Variants in MDGA1 observed in about 807,000 individuals in gnomAD.
The protein encoded by MDGA1 is MAM domain-containing glycosylphosphatidylinositol anchor protein 1.
A neutral mutation model predicts 101.5 loss-of-function variants in MDGA1; 54 were observed. The observed-to-expected ratio is 0.53, with a 90% CI of 0.43 to 0.67. MDGA1 has a LOEUF of 0.67. Ranked by LOEUF, MDGA1 falls within the 30% of genes least tolerant of loss-of-function variation. MDGA1 has a pLI of 0.00. For missense variants in MDGA1, 1,083 were observed against 1,323.8 expected (o/e 0.82, Z 2.82); for synonymous variants, 533 against 558.3 (o/e 0.95, Z 0.64).
In MDGA1 at chr6:37,646,208, G is replaced by A. The variant is rs1026427954; in HGVS notation, c.2214C>T (p.His738=). The A allele has an allele frequency of 1.3e-6, 2 of 1,583,586 alleles. No individual in the cohort carries two copies. The highest frequency in any genetic ancestry group is 2.7e-5 in the African/African-American group (2 of 74,396). The change falls in exon 11 of 17, where the codon CAC becomes CAT. Residue 738 remains histidine (H), a synonymous_variant. Coordinates refer to ENST00000434837, the MANE Select transcript of MDGA1 (RefSeq NM_153487.4). The part of the protein sequence containing the change: ...GAGDMASRII[H]YTEPINSPNL... ...ACCACTGTCACCTACGCTCTGTGTA[G>A]TGGATGATGCGGGAGGCCATGTCAC... is the stretch of plus-strand genomic sequence containing the variant.
At chr6:37,673,283 A>G (rs1412733645) in intron 1 of MDGA1, among the ~76,000 whole-genome samples, 2 of 152,324 alleles carry the variant, frequency 1.3e-5, no homozygotes, top group East Asian at 3.9e-4. Flanking sequence ...CAGCATCCTC[A>G]GAAACCGTCC....
chr6:37,693,050 A>G (rs2114115032), intron 1 of MDGA1, among the ~76,000 whole-genome samples: 1 of 152,340 alleles, frequency 6.6e-6, no homozygotes, highest in Middle Eastern at 3.4e-3. Context: ...AACACCAGCA[A>G]AGCAAACAAA....
chr6:37,648,929 A>G, intron 9 of MDGA1, 53 bp downstream of exon 9: 11 of 1,526,948 alleles, frequency 7.2e-6, no homozygotes, highest in Admixed American at 4.2e-5. Flanking sequence ...ATTGGGGCAG[A>G]GCCTGGCCCC....
At chr6:37,659,260 A>G (rs1761568578) in intron 2 of MDGA1, among the ~76,000 whole-genome samples, 1 of 152,192 alleles carries the variant, frequency 6.6e-6, no homozygotes, top group Non-Finnish European at 1.5e-5. Context: ...GAGACAGTAC[A>G]TGTTGTTTGA....
chr6:37,685,926 G>C (rs1762188245), intron 1 of MDGA1, among the ~76,000 whole-genome samples: 1 of 152,146 alleles, frequency 6.6e-6, no homozygotes, highest in Non-Finnish European at 1.5e-5. Flanking sequence ...GGGTGAGTGA[G>C]GAGGAGAGCA....
chr6:37,638,432 T>C lies in MDGA1; in HGVS notation c.2667+105A>G. 6.4e-7 allele frequency: 1 copy of C among 1,563,794 alleles called. No individual in the cohort carries two copies. Among genetic ancestry groups the C allele is most frequent in the Non-Finnish European group, 8.7e-7 (1 of 1,147,586 alleles). ...CTGGAAGTTCCCCCTAACCTGACTC[T>C]TTCCATCCTTAGCCCCCAGGAAGAA... On this transcript the variant is annotated intron_variant, in intron 15 of 16. Transcript: ENST00000434837. The surrounding 1 kb of genome is among the most constrained non-coding windows in gnomAD (Gnocchi z 4.8).
In MDGA1 at chr6:37,637,413, C is replaced by G. The variant is rs771574572; in HGVS notation, c.2823G>C (p.Gln941His). 1 of 1,613,750 alleles carries G rather than the reference C, an allele frequency of 6.2e-7. No individual in the cohort carries two copies. Among genetic ancestry groups the G allele is most frequent in the Admixed American group, 1.7e-5 (1 of 60,024 alleles). ...GSGAPCQSSP[Q>H]LWGPMAIFLL... Reference sequence around the variant, plus strand: ...GGAAGATGGCCATGGGCCCCCACAGCTGTGGGCTGGACTGGCAGGGGGCTC... The same window carrying G: ...GGAAGATGGCCATGGGCCCCCACAGGTGTGGGCTGGACTGGCAGGGGGCTC... The change falls in exon 17 of 17, where the codon CAG (glutamine) becomes CAC (histidine). Residue 941 changes from glutamine to histidine, a missense_variant. Physicochemically the swap from Gln to His is conservative, Grantham distance 24. Around this residue, in one of 3 missense-constraint regions of MDGA1, gnomAD observed 657 missense variants for 771.4 expected, o/e 0.85. Transcript: ENST00000434837.
intron 1 of MDGA1, among the ~76,000 whole-genome samples, chr6:37,670,410 G>A (rs1008130633): frequency 6.6e-6 from 1 of 152,206 alleles, no homozygotes; most frequent in Non-Finnish European, 1.5e-5. Flanking sequence ...CTTCAGAGGG[G>A]ATGGAAAGTG....
At position 37,638,941 on chromosome 6, in the gene MDGA1, A is replaced by C; in HGVS notation, c.2537-274T>G. On this transcript the variant is annotated intron_variant, in intron 14 of 16. Transcript: ENST00000434837. The surrounding 1 kb of genome is among the most constrained non-coding windows in gnomAD (Gnocchi z 4.8). Reference sequence around the variant, plus strand: ...CCCTGCTAATCAGCTAATCTCCCCAACCCCAAACACACACATGCACACACA... The same window carrying C: ...CCCTGCTAATCAGCTAATCTCCCCACCCCCAAACACACACATGCACACACA... The C allele has an allele frequency of 2.6e-6, 1 of 384,028 alleles. No homozygotes were observed. 23.8% of individuals were successfully genotyped at this position (384,028 alleles called of 1,614,324 possible). A position where few individuals can be genotyped will look rare whatever the true frequency, so the allele number is the denominator to read the frequency against.
chr6:37,680,821 G>C (rs191057682), intron 1 of MDGA1, among the ~76,000 whole-genome samples: 91 of 152,370 alleles, frequency 6.0e-4, no homozygotes, highest in African/African-American at 2.0e-3. Context: ...CGGGCGCAGC[G>C]GGTGAGCGCA....
chr6:37,695,850 G>T (rs1762405932), intron 1 of MDGA1, among the ~76,000 whole-genome samples: 1 of 152,242 alleles, frequency 6.6e-6, no homozygotes, highest in Non-Finnish European at 1.5e-5. Context: ...ATGATTTTTT[G>T]TGCTGTGGGG....
intron 2 of MDGA1, among the ~76,000 whole-genome samples, chr6:37,662,648 C>G (rs146559418): frequency 4.7e-5 from 2 of 42,700 alleles, no homozygotes; most frequent in East Asian, 2.1e-3. Context: ...AAAAAAAAAA[C>G]AAGGAAGGCC....
chr6:37,649,050 C>T lies in MDGA1; in HGVS notation c.1826G>A (p.Ser609Asn), dbSNP rs572020134. 4 of 1,544,676 alleles carry T rather than the reference C, an allele frequency of 2.6e-6. No homozygotes were observed. In the African/African-American group the frequency reaches 4.2e-5, roughly 16 times the overall value. The stretch of plus-strand genomic sequence containing the variant: ...GACGCTGCACTCGTAGCTGCCGCTG[C>T]TGTCGCGAGTTACGGCGTCGAGGCG... ...ELRLDAVTRD[S>N]SGSYECSVSN... The change falls in exon 9 of 17, where the codon AGC becomes AAC. Residue 609 changes from serine (S) to asparagine (N), a missense_variant. Coordinates refer to ENST00000434837, the MANE Select transcript of MDGA1 (RefSeq NM_153487.4).
intron 1 of MDGA1, among the ~76,000 whole-genome samples, chr6:37,668,264 A>AAAAT (rs1554135565): frequency 1.3e-5 from 2 of 149,760 alleles, no homozygotes; most frequent in African/African-American, 4.9e-5. Flanking sequence ...AAAAAAAAAA[A>AAAAT]GGTGATCCAG....
chr6:37,671,817 G>A (rs1761874836), intron 1 of MDGA1, among the ~76,000 whole-genome samples: 1 of 152,192 alleles, frequency 6.6e-6, no homozygotes, highest in South Asian at 2.1e-4. Flanking sequence ...CAACACTAGG[G>A]TGAGGGCCAA....
At chr6:37,651,889 T>C (rs1761370824) in intron 7 of MDGA1, 122 bp downstream of exon 7, 1 of 778,728 alleles carries the variant, frequency 1.3e-6, no homozygotes. Flanking sequence ...GCACGTGGCA[T>C]GAACAAGTGG....
chr6:37,637,594 C>T lies in MDGA1; in HGVS notation c.2777-135G>A, dbSNP rs981105227. The T allele has an allele frequency of 4.4e-6, 3 of 688,410 alleles. No individual in the cohort carries two copies. In the Admixed American group the frequency reaches 8.1e-5, roughly 19 times the overall value. 42.6% of individuals were successfully genotyped at this position (688,410 alleles called of 1,614,324 possible). On this transcript the variant is annotated intron_variant, in intron 16 of 16. Transcript: ENST00000434837. ...CTGAGGGTGGGCACTGGCCTCAGTG[C>T]ACACAGACAAACTCACCGCACAGAC... is the stretch of plus-strand genomic sequence containing the variant.
intron 1 of MDGA1, among the ~76,000 whole-genome samples, chr6:37,685,585 A>G (rs1023640473): frequency 6.6e-6 from 1 of 152,166 alleles, no homozygotes; most frequent in African/African-American, 2.4e-5. Flanking sequence ...GTTCCCAGAA[A>G]TCAGGAGGCT....
intron 1 of MDGA1, among the ~76,000 whole-genome samples, chr6:37,685,415 CA>C (rs1428038587): frequency 6.6e-6 from 1 of 152,110 alleles, no homozygotes; most frequent in African/African-American, 2.4e-5. Context: ...AAAGTTGAAA[CA>C]AGGTCAATAG....
Sources: gnomAD v4.1 joint callset for allele counts (sites outside exome capture counted in the v4.1 genomes callset) on GRCh38, gnomAD v4.1.1 for gene constraint, gnomAD v4.1.1 regional missense constraint, Gnocchi (gnomAD v3.1) non-coding constraint, MANE v1.5 for transcripts, NCBI Gene and HGNC (gene_info 2026-07-23, HGNC 2026-07-21) for gene names.